Variants in ZNF608 observed in about 807,000 individuals in gnomAD.
The protein encoded by ZNF608 is zinc finger protein 608, also known as renal carcinoma antigen NY-REN-36.
Under a neutral mutation model 109.0 loss-of-function variants are expected in ZNF608, and 12 were observed. The observed-to-expected ratio is 0.11, with a 90% CI of 0.07 to 0.18. ZNF608 has a LOEUF of 0.18. ZNF608 is among the 10% of genes least tolerant of loss of function. The pLI, the probability that ZNF608 is intolerant of heterozygous loss-of-function variation, is 1.00. For missense variants in ZNF608, 1,707 were observed against 1,879.3 expected (o/e 0.91, Z 1.70); for synonymous variants, 732 against 717.4 (o/e 1.02, Z -0.33).
intron 7 of ZNF608, among the ~76,000 whole-genome samples, chr5:124,642,872 T>C (rs1750311524): frequency 6.6e-6 from 1 of 151,936 alleles, no homozygotes. Flanking sequence ...ACTTTTTGTA[T>C]TTTTAGTAGA....
intron 2 of ZNF608, among the ~76,000 whole-genome samples, chr5:124,711,081 G>A (rs952687462): frequency 1.3e-5 from 2 of 152,128 alleles, no homozygotes; most frequent in East Asian, 3.9e-4. Flanking sequence ...GGTCTATCAT[G>A]CCCCCTACCA....
In ZNF608 at chr5:124,744,030, A is replaced by G; in HGVS notation, c.906+54T>C. On this transcript the variant is annotated intron_variant, in intron 2 of 9. Transcript: ENST00000513986. This position sits in a 1 kb window ranked among gnomAD's most constrained non-coding sequence, Gnocchi z 4.5. ...CACAGAGGCACACCCCCACACACCC[A>G]CACAAATGCACACAGAGGAGAGTAG... is the stretch of plus-strand genomic sequence containing the variant. The G allele has an allele frequency of 1.3e-6, 2 of 1,529,866 alleles. No individual in the cohort carries two copies. Among genetic ancestry groups the G allele is most frequent in the Non-Finnish European group, 1.8e-6 (2 of 1,139,840 alleles). The allele number at this position is 1,529,866 out of a possible 1,614,324, so 94.8% of individuals were successfully genotyped here. A position where few individuals can be genotyped will look rare whatever the true frequency, so the allele number is the denominator to read the frequency against.
rs571698961 is a variant in ZNF608 at position 124,736,462 on chromosome 5, T to C, written c.906+7622A>G. On this transcript the variant is annotated intron_variant, in intron 2 of 9. Transcript: ENST00000513986. ...TTTGGAAAAAAAAGTTAGAAGATGC[T>C]TTCCAACTCATCCTGATGATGTGTG... Among the ~76,000 whole-genome samples the C allele has an allele frequency of 1.1e-4, 16 of 152,342 alleles. 1 individual carries two copies. The East Asian group carries it at 2.7e-3, about 26-fold the overall frequency.
chr5:124,743,945 T>C, intron 2 of ZNF608, 139 bp downstream of exon 2: 1 of 1,261,706 alleles, frequency 7.9e-7, no homozygotes, highest in Non-Finnish European at 1.1e-6. Context: ...CAAATTTTAA[T>C]ATAAAGGATG....
intron 3 of ZNF608, among the ~76,000 whole-genome samples, chr5:124,659,903 T>C (rs905609043): frequency 6.6e-6 from 1 of 152,202 alleles, no homozygotes; most frequent in Non-Finnish European, 1.5e-5. Context: ...TGATGCTTTA[T>C]TTAAAGTCAG....
chr5:124,724,527 CTATTTA>C (rs1193344869), intron 2 of ZNF608, among the ~76,000 whole-genome samples: 2 of 136,884 alleles, frequency 1.5e-5, no homozygotes, highest in Non-Finnish European at 3.1e-5. Flanking sequence ...ACTGGCATTT[CTATTTA>C]TATTATTACC....
intron 8 of ZNF608, among the ~76,000 whole-genome samples, chr5:124,640,474 C>T (rs865998309): frequency 3.9e-5 from 6 of 152,194 alleles, no homozygotes; most frequent in Admixed American, 6.5e-5. Context: ...CAGCTGCACA[C>T]AAGCCAGGAA....
chr5:124,731,024 T>C (rs531747691), intron 2 of ZNF608, among the ~76,000 whole-genome samples: 4 of 152,378 alleles, frequency 2.6e-5, no homozygotes, highest in Non-Finnish European at 4.4e-5. Flanking sequence ...AGAGAAGCCA[T>C]GTTTATCTTT....
chr5:124,734,248 T>C (rs1263566175), intron 2 of ZNF608, among the ~76,000 whole-genome samples: 2 of 152,202 alleles, frequency 1.3e-5, no homozygotes, highest in African/African-American at 4.8e-5. Context: ...TTTTCACAAA[T>C]ACTAATCCAC....
chr5:124,706,879 T>C (rs1432293198), intron 2 of ZNF608, among the ~76,000 whole-genome samples: 1 of 152,172 alleles, frequency 6.6e-6, no homozygotes, highest in Non-Finnish European at 1.5e-5. Flanking sequence ...AGCAGTAGCC[T>C]GGCTATTTAT....
chr5:124,654,430 A>T (rs1750922089), intron 3 of ZNF608, among the ~76,000 whole-genome samples: 1 of 152,196 alleles, frequency 6.6e-6, no homozygotes, highest in African/African-American at 2.4e-5. Flanking sequence ...CCAAATCCCT[A>T]GGGAAAGTTA....
chr5:124,642,984 C>A (rs1049023977), intron 7 of ZNF608, among the ~76,000 whole-genome samples: 17 of 151,978 alleles, frequency 1.1e-4, no homozygotes, highest in African/African-American at 4.1e-4. Flanking sequence ...GGCAGTGGCT[C>A]ACTCCCGGCC....
At chr5:124,659,905 T>A (rs1282051115) in intron 3 of ZNF608, among the ~76,000 whole-genome samples, 1 of 152,204 alleles carries the variant, frequency 6.6e-6, no homozygotes, top group Non-Finnish European at 1.5e-5. Context: ...ATGCTTTATT[T>A]AAAGTCAGAG....
chr5:124,690,945 AC>A (rs1561562312), intron 3 of ZNF608, among the ~76,000 whole-genome samples: 26 of 117,040 alleles, frequency 2.2e-4, no homozygotes, highest in South Asian at 6.7e-4. Context: ...ACACACACAC[AC>A]ACACACACAT....
At chr5:124,698,493 A>G (rs1423552245) in intron 3 of ZNF608, among the ~76,000 whole-genome samples, 1 of 152,234 alleles carries the variant, frequency 6.6e-6, no homozygotes, top group Non-Finnish European at 1.5e-5. Flanking sequence ...GTGAGGCAGT[A>G]AAGAGAAGGC....
chr5:124,663,898 A>T (rs1296848206), intron 3 of ZNF608, among the ~76,000 whole-genome samples: 1 of 152,212 alleles, frequency 6.6e-6, no homozygotes, highest in Non-Finnish European at 1.5e-5. Context: ...ATTCAGTTCT[A>T]CTTAATTTTA....
intron 3 of ZNF608, among the ~76,000 whole-genome samples, chr5:124,695,608 T>C (rs760732224): frequency 4.7e-5 from 7 of 150,430 alleles, no homozygotes; most frequent in Non-Finnish European, 7.4e-5. Context: ...CTACAAAAAA[T>C]ACAAAAAAAA....
At chr5:124,683,101 G>A (rs903745737) in intron 3 of ZNF608, among the ~76,000 whole-genome samples, 2 of 152,058 alleles carry the variant, frequency 1.3e-5, no homozygotes, top group Non-Finnish European at 2.9e-5. Flanking sequence ...CTATGGAGAG[G>A]CCCACATGGC....
rs1434668236 is a variant in ZNF608 at position 124,637,257 on chromosome 5, A to G, written c.*643T>C. On this transcript the variant is annotated 3_prime_UTR_variant, in exon 10 of 10. Coordinates refer to ENST00000513986, the MANE Select transcript of ZNF608 (RefSeq NM_020747.3). The stretch of plus-strand genomic sequence containing the variant: ...CATTTTAATCTTTACATTATATACA[A>G]CACAGTTTTTGTGGTACTGGCAACC... The G allele has an allele frequency of 6.6e-6, 1 of 152,656 alleles. No homozygotes were observed. Among genetic ancestry groups the G allele is most frequent in the Non-Finnish European group, 1.5e-5 (1 of 68,036 alleles). 9.5% of individuals were successfully genotyped at this position (152,656 alleles called of 1,614,324 possible).
Sources: allele counts gnomAD v4.1 joint callset (sites outside exome capture counted in the v4.1 genomes callset), GRCh38; gene constraint gnomAD v4.1.1; non-coding constraint Gnocchi (gnomAD v3.1); transcripts MANE v1.5; gene names NCBI Gene and HGNC (gene_info 2026-07-23, HGNC 2026-07-21).